TTC28: variants seen among roughly 807,000 people sequenced by gnomAD.
The protein encoded by TTC28 is tetratricopeptide repeat protein 28.
A neutral mutation model predicts 198.0 loss-of-function variants in TTC28; 61 were observed. The ratio of observed to expected loss-of-function variants is 0.31; its 90% CI spans 0.25 to 0.38. TTC28 has a LOEUF of 0.38. Ranked by LOEUF, TTC28 falls within the 10% of genes least tolerant of loss-of-function variation. The pLI is 1.00. For missense variants in TTC28, 2,678 were observed against 3,164.0 expected (o/e 0.85, Z 3.69); for synonymous variants, 1,171 against 1,297.8 (o/e 0.90, Z 2.10).
At chr22:28,554,217 C>T (rs567851075) in intron 2 of TTC28, among the ~76,000 whole-genome samples, 149 of 151,846 alleles carry the variant, frequency 9.8e-4, no homozygotes, top group Non-Finnish European at 1.6e-3. Flanking sequence ...ATCTCAAGTA[C>T]CCAGGGACAC....
chr22:28,412,314 T>C (rs2047093268), intron 2 of TTC28, among the ~76,000 whole-genome samples: 1 of 151,734 alleles, frequency 6.6e-6, no homozygotes, highest in Non-Finnish European at 1.5e-5. Flanking sequence ...CCTTTCCAGT[T>C]CATCCTCCAC....
Position 28,325,036 on chromosome 22 carries a change from G to A in TTC28, c.382-18393C>T, listed in dbSNP as rs540598941. 1.6e-4 allele frequency among the ~76,000 whole-genome samples: 24 copies of A among 148,900 alleles called. No homozygotes were observed. The South Asian group carries it at 2.4e-3, about 15-fold the overall frequency. ...CCCTCTTTTTCTATCAATTGGAATC[G>A]TTTCACAAGGAATGGTACCAGCTCC... On this transcript the variant is annotated intron_variant, in intron 2 of 22. Transcript: ENST00000397906.
At chr22:28,452,687 G>A (rs185916421) in intron 2 of TTC28, among the ~76,000 whole-genome samples, 48 of 152,184 alleles carry the variant, frequency 3.2e-4, no homozygotes, top group South Asian at 2.5e-3. Flanking sequence ...GGACAGGGGC[G>A]GTTAGGGAGG....
intron 6 of TTC28, among the ~76,000 whole-genome samples, chr22:28,151,637 C>G (rs1943611794): frequency 6.6e-6 from 1 of 152,200 alleles, no homozygotes; most frequent in African/African-American, 2.4e-5. Flanking sequence ...ATGCGCATGT[C>G]ATAACCTTAA....
At chr22:27,991,151 A>C (rs1230337283) in intron 19 of TTC28, among the ~76,000 whole-genome samples, 1 of 152,226 alleles carries the variant, frequency 6.6e-6, no homozygotes, top group Non-Finnish European at 1.5e-5. Flanking sequence ...GTGAGCCAGG[A>C]AAGGTCCACC....
Position 27,982,362 on chromosome 22 carries a change from G to GGT in TTC28, c.7304_7305insAC (p.Thr2436ProfsTer25). Reference sequence around the variant, plus strand: ...GTGAGCCCAGCGAGGTGGTCTCGGTGCGCCAGTGTCCGTTGGGAGGGGCTT... The same window carrying GGT: ...GTGAGCCCAGCGAGGTGGTCTCGGTGGTCGCCAGTGTCCGTTGGGAGGGGCTT... On this transcript the variant is annotated frameshift_variant, in exon 23 of 23. Transcript: ENST00000397906. LOFTEE classifies it high-confidence loss of function. This position sits in a 1 kb window ranked among gnomAD's most constrained non-coding sequence, Gnocchi z 5.2. 1 of 1,550,056 alleles carries GGT rather than the reference G, an allele frequency of 6.5e-7. No individual in the cohort carries two copies. The highest frequency in any genetic ancestry group is 2.0e-5 in the Admixed American group (1 of 50,898).
At chr22:28,242,035 A>C (rs1929690650) in intron 5 of TTC28, among the ~76,000 whole-genome samples, 1 of 152,198 alleles carries the variant, frequency 6.6e-6, no homozygotes, top group Non-Finnish European at 1.5e-5. Context: ...TAAAAGTGAT[A>C]CTTTGAAGAT....
intron 2 of TTC28, among the ~76,000 whole-genome samples, chr22:28,340,575 CAT>C (rs1455938767): frequency 6.6e-6 from 1 of 152,052 alleles, no homozygotes; most frequent in Non-Finnish European, 1.5e-5. Flanking sequence ...AACAAAAACA[CAT>C]GTGATTGGCA....
intron 2 of TTC28, among the ~76,000 whole-genome samples, chr22:28,609,823 G>A (rs1270946977): frequency 6.6e-6 from 1 of 152,226 alleles, no homozygotes; most frequent in Non-Finnish European, 1.5e-5. Flanking sequence ...AGCCCAGCAA[G>A]TTAAAATCTA....
chr22:28,677,154 T>C (rs2052003116), intron 1 of TTC28, among the ~76,000 whole-genome samples: 1 of 48,100 alleles, frequency 2.1e-5, no homozygotes, highest in Non-Finnish European at 3.7e-5. Context: ...AGACTCCATC[T>C]CAGGAAAAAA....
chr22:28,647,278 A>C (rs1363454359), intron 1 of TTC28, among the ~76,000 whole-genome samples: 6 of 152,218 alleles, frequency 3.9e-5, no homozygotes, highest in Non-Finnish European at 8.8e-5. Flanking sequence ...AAATCATAGA[A>C]ATTCTAGAAG....
At chr22:28,380,929 C>A (rs2046484270) in intron 2 of TTC28, among the ~76,000 whole-genome samples, 1 of 152,002 alleles carries the variant, frequency 6.6e-6, no homozygotes, top group South Asian at 2.1e-4. Context: ...GAAATTAACA[C>A]CTATAAAATT....
rs544772820 is a variant in TTC28 at position 28,089,345 on chromosome 22, T to C, written c.3932+4735A>G. Among the ~76,000 whole-genome samples, 295 of 152,110 alleles carry C rather than the reference T, an allele frequency of 1.9e-3. 1 individual carries two copies. The highest frequency in any genetic ancestry group is 6.4e-3 in the African/African-American group (267 of 41,464). The stretch of plus-strand genomic sequence containing the variant: ...AATACTATGCAGCCATAAAAAATGA[T>C]GAGTTCATGTCCTTTGTAGGGACAT... On this transcript the variant is annotated intron_variant, in intron 12 of 22. Transcript: ENST00000397906.
At chr22:28,351,818 C>A (rs1185771613) in intron 2 of TTC28, among the ~76,000 whole-genome samples, 1 of 152,162 alleles carries the variant, frequency 6.6e-6, no homozygotes, top group Non-Finnish European at 1.5e-5. Flanking sequence ...GAGAATTTCA[C>A]GAAGAGACAC....
intron 2 of TTC28, among the ~76,000 whole-genome samples, chr22:28,321,858 A>G (rs1012784526): frequency 1.4e-4 from 21 of 152,152 alleles, no homozygotes; most frequent in Non-Finnish European, 1.8e-4. Context: ...TATTTTTGAG[A>G]CTGAGTCTCA....
chr22:28,114,506 G>A (rs550287446), intron 6 of TTC28, among the ~76,000 whole-genome samples: 1 of 152,204 alleles, frequency 6.6e-6, no homozygotes, highest in African/African-American at 2.4e-5. Flanking sequence ...ACACTTGCAG[G>A]TGACTATTTA....
chr22:28,026,258 T>C lies in TTC28; in HGVS notation c.4073+3968A>G, dbSNP rs146951016. On this transcript the variant is annotated intron_variant, in intron 13 of 22. Transcript: ENST00000397906. ...CTCAACGTGGCAGCAGCTCTGGCTC[T>C]CCCAGAACCCCTCCACTCTGCCACT... Among the ~76,000 whole-genome samples the C allele has an allele frequency of 9.4e-3, 1,429 of 152,204 alleles. 26 individuals carry two copies. The highest frequency in any genetic ancestry group is 0.032 in the African/African-American group (1,331 of 41,530).
chr22:28,470,697 TA>T (rs2048086103), intron 2 of TTC28, among the ~76,000 whole-genome samples: 1 of 152,098 alleles, frequency 6.6e-6, no homozygotes, highest in African/African-American at 2.4e-5. Context: ...CATTTTGCCC[TA>T]AAGAATTGGA....
At position 28,637,223 on chromosome 22, in the gene TTC28, G is replaced by A. The variant is rs935765142; in HGVS notation, c.103-7393C>T. Among the ~76,000 whole-genome samples the A allele has an allele frequency of 3.3e-5, 5 of 152,012 alleles. No individual in the cohort carries two copies. In the South Asian group the frequency reaches 8.3e-4, roughly 25 times the overall value. On this transcript the variant is annotated intron_variant, in intron 1 of 22. Coordinates refer to ENST00000397906, the MANE Select transcript of TTC28 (RefSeq NM_001145418.2). ...GACAGGGTTTCACCGTGTTAGCCAC[G>A]AGGGTCTCGATCTCCCGACCCCAGG...
Sources: allele counts gnomAD v4.1 joint callset (sites outside exome capture counted in the v4.1 genomes callset), GRCh38; gene constraint gnomAD v4.1.1; non-coding constraint Gnocchi (gnomAD v3.1); transcripts MANE v1.5; gene names NCBI Gene and HGNC (gene_info 2026-07-23, HGNC 2026-07-21).